Variants in TMED8 observed in about 807,000 individuals in gnomAD.
The protein encoded by TMED8 is protein TMED8.
Under a neutral mutation model 32.7 loss-of-function variants are expected in TMED8, and 15 were observed. That is an observed-to-expected ratio of 0.46 (90% CI 0.31 to 0.71). The LOEUF is 0.71. TMED8 is among the 30% of genes least tolerant of loss of function. The pLI is 0.06. For synonymous variants in TMED8, 147 were observed against 161.4 expected, an observed-to-expected ratio of 0.91 and a Z score of 0.68; for missense variants, 390 against 423.9, an observed-to-expected ratio of 0.92 and a Z score of 0.70.
chr14:77,353,617 A>AT (rs1893230216), intron 1 of TMED8, among the ~76,000 whole-genome samples: 1 of 148,128 alleles, frequency 6.8e-6, no homozygotes. Context: ...TGCCAGACTG[A>AT]TTTTTTTCTT....
chr14:77,359,765 A>T (rs973501791), intron 1 of TMED8: 2 of 235,638 alleles, frequency 8.5e-6, no homozygotes, highest in Admixed American at 5.7e-5. Context: ...TAAATGGAGT[A>T]CCTCAATCTG....
intron 2 of TMED8, among the ~76,000 whole-genome samples, chr14:77,351,462 T>C (rs1486794037): frequency 7.3e-6 from 1 of 136,844 alleles, no homozygotes. Context: ...GGGGTTTCAC[T>C]GTGCTAGCCA....
chr14:77,360,953 C>T, intron 1 of TMED8, among the ~76,000 whole-genome samples: 1 of 147,780 alleles, frequency 6.8e-6, no homozygotes, highest in Non-Finnish European at 1.5e-5. Context: ...TTTGGAAAAA[C>T]ACCCATTCAG....
At chr14:77,345,659 C>CAA (rs11297608) in intron 3 of TMED8, among the ~76,000 whole-genome samples, 16,369 of 101,962 alleles carry the variant, frequency 0.16, 1,484 homozygotes, top group East Asian at 0.27. Flanking sequence ...ACCTTTGTCT[C>CAA]AAAAAAAAAA....
In TMED8 at chr14:77,376,521, G is replaced by GA. The variant is rs1310613172; in HGVS notation, c.118+414dup. ...TGGTAAGGCTGGGGCAGGGGACTGA[G>GA]ATGGGGATAGGGTGGGGAGCCAGAA... On this transcript the variant is annotated intron_variant, in intron 1 of 5. Coordinates refer to ENST00000216468, the MANE Select transcript of TMED8 (RefSeq NM_213601.3). This position sits in a 1 kb window ranked among gnomAD's most constrained non-coding sequence, Gnocchi z 4.0. Among the ~76,000 whole-genome samples, 1 of 152,084 alleles carries GA rather than the reference G, an allele frequency of 6.6e-6. No homozygotes were observed. Among genetic ancestry groups the GA allele is most frequent in the East Asian group, 1.9e-4 (1 of 5,172 alleles).
Position 77,340,105 on chromosome 14 carries a change from G to A in TMED8, c.*1666C>T, listed in dbSNP as rs1221289877. Reference sequence around the variant, plus strand: ...GGAATTCCTCTGCACTCAATCTCCAGCAAATGGGCAGATTCCCTCACAACT... The same window carrying A: ...GGAATTCCTCTGCACTCAATCTCCAACAAATGGGCAGATTCCCTCACAACT... On this transcript the variant is annotated 3_prime_UTR_variant, in exon 6 of 6. Coordinates refer to ENST00000216468, the MANE Select transcript of TMED8 (RefSeq NM_213601.3). 1 of 152,188 alleles carries A rather than the reference G, an allele frequency of 6.6e-6. No individual in the cohort carries two copies. Among genetic ancestry groups the A allele is most frequent in the Non-Finnish European group, 1.5e-5 (1 of 68,048 alleles). The allele number at this position is 152,188 out of a possible 1,614,324, so 9.4% of individuals were successfully genotyped here. A position where few individuals can be genotyped will look rare whatever the true frequency, so the allele number is the denominator to read the frequency against.
Position 77,351,684 on chromosome 14 carries a change from G to A in TMED8, c.186C>T (p.Ser62=), listed in dbSNP as rs1262069014. 2 of 1,613,174 alleles carry A rather than the reference G, an allele frequency of 1.2e-6. No homozygotes were observed. Among genetic ancestry groups the A allele is most frequent in the East Asian group, 2.2e-5 (1 of 44,812 alleles). Residue 62 remains serine, a synonymous_variant, in exon 2 of 6, where the codon TCC becomes TCT. Transcript: ENST00000216468. The part of the protein sequence containing the change: ...LASATDPEPC[S]SPHRPQMVSP... Reference sequence around the variant, plus strand: ...TCCAAAGTGGTTACCTGTGGGGTGAGGAGCAGGGTTCTGGATCGGTGGCAG... The same window carrying A: ...TCCAAAGTGGTTACCTGTGGGGTGAAGAGCAGGGTTCTGGATCGGTGGCAG...
At chr14:77,343,649 G>T in intron 4 of TMED8, 48 bp downstream of exon 4, 2 of 1,605,408 alleles carry the variant, frequency 1.2e-6, no homozygotes, top group South Asian at 2.2e-5. Flanking sequence ...GCCTTTCTTT[G>T]AGTATCTACT....
chr14:77,355,535 G>C (rs1320416320), intron 1 of TMED8, among the ~76,000 whole-genome samples: 1 of 152,118 alleles, frequency 6.6e-6, no homozygotes, highest in Non-Finnish European at 1.5e-5. Flanking sequence ...AATAAAGATA[G>C]GGCTATATCA....
chr14:77,370,573 CTA>C (rs1211536535), intron 1 of TMED8, among the ~76,000 whole-genome samples: 1 of 152,078 alleles, frequency 6.6e-6, no homozygotes, highest in Non-Finnish European at 1.5e-5. Context: ...ATTTTAAAGA[CTA>C]TTTTTATTAA....
chr14:77,348,468 C>G (rs190297097), intron 2 of TMED8, among the ~76,000 whole-genome samples: 15 of 152,260 alleles, frequency 9.9e-5, no homozygotes, highest in Admixed American at 9.2e-4. Flanking sequence ...CGTGATCCAC[C>G]CACCTTGGCC....
At chr14:77,345,659 CAAAAA>C (rs11297608) in intron 3 of TMED8, among the ~76,000 whole-genome samples, 8 of 103,228 alleles carry the variant, frequency 7.7e-5, no homozygotes, top group Admixed American at 1.0e-4. Context: ...ACCTTTGTCT[CAAAAA>C]AAAAAAAAAA....
intron 1 of TMED8, chr14:77,359,671 T>TAC (rs1566690661): frequency 3.1e-6 from 1 of 319,618 alleles, no homozygotes; most frequent in Non-Finnish European, 6.1e-6. Flanking sequence ...GCCATTCTGG[T>TAC]ACACACAGGT....
Position 77,339,115 on chromosome 14 carries a change from G to A in TMED8, c.*2656C>T, listed in dbSNP as rs1892833519. 6.6e-6 allele frequency: 1 copy of A among 152,242 alleles called. No individual in the cohort carries two copies. The highest frequency in any genetic ancestry group is 1.5e-5 in the Non-Finnish European group (1 of 68,048). 9.4% of individuals were successfully genotyped at this position (152,242 alleles called of 1,614,324 possible). On this transcript the variant is annotated 3_prime_UTR_variant, in exon 6 of 6. Coordinates refer to ENST00000216468, the MANE Select transcript of TMED8 (RefSeq NM_213601.3). ...ACTGTCTCTTAGAATTTGCTGGGCTGTGGGTTCTCAGTAATTACCTGTGCT... is the reference window on the plus strand; with the variant it reads ...ACTGTCTCTTAGAATTTGCTGGGCTATGGGTTCTCAGTAATTACCTGTGCT...
At chr14:77,345,900 T>C (rs1296887352) in intron 3 of TMED8, among the ~76,000 whole-genome samples, 5 of 130,846 alleles carry the variant, frequency 3.8e-5, no homozygotes, top group Admixed American at 3.7e-4. Context: ...ACCCAGGAGG[T>C]GGAGGTTGCA....
chr14:77,365,855 C>A (rs929167566), intron 1 of TMED8, among the ~76,000 whole-genome samples: 3 of 152,036 alleles, frequency 2.0e-5, no homozygotes, highest in African/African-American at 7.2e-5. Context: ...TGGTACAATT[C>A]TATGGCAGCC....
intron 1 of TMED8, among the ~76,000 whole-genome samples, chr14:77,361,570 T>C (rs1893435590): frequency 6.6e-6 from 1 of 152,198 alleles, no homozygotes; most frequent in Admixed American, 6.5e-5. Context: ...TACATACAAA[T>C]TTTAGAATTG....
chr14:77,352,472 C>T (rs1893201667), intron 1 of TMED8, among the ~76,000 whole-genome samples: 1 of 150,586 alleles, frequency 6.6e-6, no homozygotes, highest in African/African-American at 2.4e-5. Flanking sequence ...GGCACGGTGG[C>T]TCACACTTGT....
Position 77,343,803 on chromosome 14 carries a change from T to G in TMED8, c.348A>C (p.Pro116=). 1 of 1,613,830 alleles carries G rather than the reference T, an allele frequency of 6.2e-7. No individual in the cohort carries two copies. Among genetic ancestry groups the G allele is most frequent in the Non-Finnish European group, 8.5e-7 (1 of 1,179,814 alleles). Residue 116 remains proline (P), a synonymous_variant, in exon 4 of 6, where the codon CCA becomes CCC. Transcript: ENST00000216468. ...VLNEMAKYQV[P]QRSGDIVMIQ... is the part of the protein sequence containing the mutation. ...TCATAACGATGTCCCCAGACCTCTG[T>G]GGAACTTGATACTTAGCCATCTGCA...
Sources: allele counts gnomAD v4.1 joint callset (sites outside exome capture counted in the v4.1 genomes callset), GRCh38; gene constraint gnomAD v4.1.1; non-coding constraint Gnocchi (gnomAD v3.1); transcripts MANE v1.5; gene names NCBI Gene and HGNC (gene_info 2026-07-23, HGNC 2026-07-21).